Variants in EXOC4 observed in about 807,000 individuals in gnomAD.
The protein encoded by EXOC4 is SEC8-like 1.
In EXOC4, 71 loss-of-function variants were observed where a neutral mutation model predicts 107.2. The ratio of observed to expected loss-of-function variants is 0.66; its 90% CI spans 0.55 to 0.81. The LOEUF (loss-of-function observed/expected upper bound fraction) is 0.81. Ranked by LOEUF, EXOC4 falls within the 30% of genes least tolerant of loss-of-function variation. EXOC4 has a pLI of 0.00. For synonymous variants in EXOC4, 456 were observed against 441.2 expected, an observed-to-expected ratio of 1.03 and a Z score of -0.42; for missense variants, 1,108 against 1,189.6, an observed-to-expected ratio of 0.93 and a Z score of 1.01.
intron 9 of EXOC4, among the ~76,000 whole-genome samples, chr7:133,623,770 T>C (rs1196858186): frequency 6.6e-6 from 1 of 152,210 alleles, no homozygotes; most frequent in Non-Finnish European, 1.5e-5. Context: ...ACCTTTGTTT[T>C]CTTCTTGATA....
At chr7:133,433,642 C>T (rs1049052072) in intron 7 of EXOC4, among the ~76,000 whole-genome samples, 9 of 152,172 alleles carry the variant, frequency 5.9e-5, no homozygotes, top group Admixed American at 1.3e-4. Flanking sequence ...CTGACAAATA[C>T]AGAAGGATAC....
intron 7 of EXOC4, among the ~76,000 whole-genome samples, chr7:133,439,590 G>C (rs141890201): frequency 1.3e-5 from 2 of 152,122 alleles, no homozygotes; most frequent in Non-Finnish European, 2.9e-5. Flanking sequence ...TATAGTGTAC[G>C]TATTTATGTG....
At chr7:134,006,963 C>G (rs751295298) in intron 16 of EXOC4, among the ~76,000 whole-genome samples, 3 of 152,174 alleles carry the variant, frequency 2.0e-5, no homozygotes, top group African/African-American at 7.2e-5. Context: ...ACCCTCCAGA[C>G]CTAAGAGCAA....
intron 10 of EXOC4, among the ~76,000 whole-genome samples, chr7:133,662,718 GA>G (rs201331427): frequency 4.4e-4 from 66 of 150,716 alleles, no homozygotes; most frequent in Non-Finnish European, 8.0e-4. Flanking sequence ...TATAAAACAA[GA>G]AAAAAAAAGT....
intron 9 of EXOC4, among the ~76,000 whole-genome samples, chr7:133,615,830 T>C (rs1038777751): frequency 6.6e-6 from 1 of 152,196 alleles, no homozygotes; most frequent in African/African-American, 2.4e-5. Flanking sequence ...TTTCAGACTT[T>C]TGAAAAACAA....
chr7:133,713,760 C>A (rs539530660), intron 10 of EXOC4, among the ~76,000 whole-genome samples: 1 of 152,096 alleles, frequency 6.6e-6, no homozygotes, highest in Non-Finnish European at 1.5e-5. Flanking sequence ...TCGCTTGGCA[C>A]TTCTCCTTCT....
intron 10 of EXOC4, among the ~76,000 whole-genome samples, chr7:133,767,030 G>T (rs183198823): frequency 5.3e-5 from 8 of 151,842 alleles, no homozygotes; most frequent in Admixed American, 5.3e-4. Flanking sequence ...AGTGATAAGC[G>T]GGGAACTCTG....
intron 10 of EXOC4, among the ~76,000 whole-genome samples, chr7:133,644,998 C>G (rs1802952793): frequency 6.6e-6 from 1 of 151,954 alleles, no homozygotes; most frequent in Non-Finnish European, 1.5e-5. Context: ...TTTTCTTTCT[C>G]TCTACTCGAT....
intron 5 of EXOC4, among the ~76,000 whole-genome samples, chr7:133,322,912 C>A (rs998062445): frequency 1.3e-5 from 2 of 152,106 alleles, no homozygotes; most frequent in Non-Finnish European, 2.9e-5. Context: ...TTGTAGTTCT[C>A]CTTGAAGAGG....
chr7:133,294,036 T>C (rs1794463944), intron 3 of EXOC4, among the ~76,000 whole-genome samples: 1 of 152,198 alleles, frequency 6.6e-6, no homozygotes, highest in African/African-American at 2.4e-5. Context: ...CAGTGAAGCG[T>C]GTTTCAAACC....
At chr7:133,509,225 G>A (rs1019641645) in intron 9 of EXOC4, among the ~76,000 whole-genome samples, 3 of 152,016 alleles carry the variant, frequency 2.0e-5, no homozygotes, top group Non-Finnish European at 4.4e-5. Flanking sequence ...TCAGGAGATC[G>A]AGACCATCCT....
intron 9 of EXOC4, among the ~76,000 whole-genome samples, chr7:133,503,988 T>C (rs1392608548): frequency 1.3e-5 from 2 of 148,636 alleles, no homozygotes; most frequent in Non-Finnish European, 2.9e-5. Context: ...TATGTATATG[T>C]GTGTATATAT....
intron 12 of EXOC4, among the ~76,000 whole-genome samples, chr7:133,903,362 C>T (rs1799497984): frequency 6.6e-6 from 1 of 152,120 alleles, no homozygotes; most frequent in Admixed American, 6.5e-5. Context: ...ACCTAAAGGC[C>T]ACAGTGGTAA....
intron 9 of EXOC4, among the ~76,000 whole-genome samples, chr7:133,563,052 A>G (rs1056852181): frequency 1.3e-5 from 2 of 152,192 alleles, no homozygotes; most frequent in East Asian, 3.9e-4. Context: ...TTTCAGGCCA[A>G]GGAGCACTAT....
intron 2 of EXOC4, among the ~76,000 whole-genome samples, chr7:133,285,439 G>A (rs1275551089): frequency 6.6e-6 from 1 of 152,170 alleles, no homozygotes; most frequent in Non-Finnish European, 1.5e-5. Flanking sequence ...ATACTTGATT[G>A]ATAGTTCTTC....
Position 133,855,130 on chromosome 7 carries a change from T to TATATATAAATATATATAA in EXOC4, c.1734+37593_1734+37594insAATATATATAAATATATA, listed in dbSNP as rs1478685420. On this transcript the variant is annotated intron_variant, in intron 11 of 17. Coordinates refer to ENST00000253861, the MANE Select transcript of EXOC4 (RefSeq NM_021807.4). Reference sequence around the variant, plus strand: ...ATATATATAAATATATATATATAAATATATATATATATAAATATATATATA... The same window carrying TATATATAAATATATATAA: ...ATATATATAAATATATATATATAAATATATATAAATATATATAAATATATATATATAAATATATATATA... 2.0e-3 allele frequency among the ~76,000 whole-genome samples: 214 copies of TATATATAAATATATATAA among 105,670 alleles called. 1 individual carries two copies. The highest frequency in any genetic ancestry group is 3.2e-3 in the African/African-American group (83 of 25,912). The allele number at this position is 105,670 out of a possible 152,430, so 69.3% of individuals were successfully genotyped here. A position where few individuals can be genotyped will look rare whatever the true frequency, so the allele number is the denominator to read the frequency against.
At chr7:133,414,138 G>T (rs1249471759) in intron 7 of EXOC4, among the ~76,000 whole-genome samples, 1 of 152,098 alleles carries the variant, frequency 6.6e-6, no homozygotes, top group Non-Finnish European at 1.5e-5. Flanking sequence ...ATAAGAAAAA[G>T]ATAAACAACT....
At chr7:133,983,760 A>G (rs1005685060) in intron 14 of EXOC4, among the ~76,000 whole-genome samples, 1 of 152,100 alleles carries the variant, frequency 6.6e-6, no homozygotes, top group East Asian at 1.9e-4. Context: ...ACACTTTTAG[A>G]TGCTCTTTGA....
chr7:133,855,092 A>AAATAT (rs1798328600), intron 11 of EXOC4, among the ~76,000 whole-genome samples: 12 of 49,368 alleles, frequency 2.4e-4, no homozygotes, highest in African/African-American at 1.6e-3. Flanking sequence ...AATATATATA[A>AAATAT]ATATATATAT....
Sources: gnomAD v4.1 joint callset for allele counts (sites outside exome capture counted in the v4.1 genomes callset) on GRCh38, gnomAD v4.1.1 for gene constraint, MANE v1.5 for transcripts, NCBI Gene and HGNC (gene_info 2026-07-23, HGNC 2026-07-21) for gene names.